STIM1: variants seen among roughly 807,000 people sequenced by gnomAD.
The protein encoded by STIM1 is stromal interaction molecule 1.
In STIM1, 25 loss-of-function variants were observed where a neutral mutation model predicts 74.7. That is an observed-to-expected ratio of 0.33 (90% CI 0.24 to 0.47). The LOEUF is 0.47. STIM1 is among the 20% of genes least tolerant of loss of function. The pLI is 1.00. For synonymous variants in STIM1, 328 were observed against 348.8 expected (o/e 0.94, Z 0.66); for missense variants, 728 against 920.8 (o/e 0.79, Z 2.71).
At chr11:4,057,794 C>T (rs553390018) in intron 4 of STIM1, among the ~76,000 whole-genome samples, 9 of 150,780 alleles carry the variant, frequency 6.0e-5, no homozygotes, top group South Asian at 4.2e-4. Flanking sequence ...GGCGTGAACC[C>T]GGGAGGTGGA....
intron 3 of STIM1, among the ~76,000 whole-genome samples, chr11:4,044,117 T>G (rs2094171806): frequency 6.6e-6 from 1 of 152,108 alleles, no homozygotes; most frequent in Non-Finnish European, 1.5e-5. Flanking sequence ...TCTGATTCGG[T>G]GTAGCATTGT....
At chr11:3,905,086 C>T (rs1488931307) in intron 1 of STIM1, among the ~76,000 whole-genome samples, 2 of 152,026 alleles carry the variant, frequency 1.3e-5, no homozygotes, top group Non-Finnish European at 2.9e-5. Context: ...AAAGTACTGT[C>T]TGGGAAGCCA....
intron 3 of STIM1, among the ~76,000 whole-genome samples, chr11:4,035,744 T>C (rs367850315): frequency 2.0e-5 from 3 of 152,212 alleles, no homozygotes; most frequent in Non-Finnish European, 4.4e-5. Context: ...TTTTCTTTCA[T>C]GTCCTAGGAC....
intron 1 of STIM1, among the ~76,000 whole-genome samples, chr11:3,865,592 T>C (rs1287463201): frequency 6.6e-6 from 1 of 152,192 alleles, no homozygotes. Flanking sequence ...TGGTGCCTAA[T>C]ATATGCACCC....
chr11:3,904,926 G>C (rs1451978099), intron 1 of STIM1, among the ~76,000 whole-genome samples: 1 of 152,084 alleles, frequency 6.6e-6, no homozygotes, highest in East Asian at 1.9e-4. Flanking sequence ...AGAAATAGTA[G>C]AGACTGTAGA....
chr11:3,947,930 G>GT (rs772533122), intron 1 of STIM1, among the ~76,000 whole-genome samples: 1 of 152,078 alleles, frequency 6.6e-6, no homozygotes, highest in Non-Finnish European at 1.5e-5. Flanking sequence ...GATCAACATA[G>GT]TTCCTGACAT....
intron 2 of STIM1, among the ~76,000 whole-genome samples, chr11:3,978,820 T>A (rs921182801): frequency 5.3e-5 from 8 of 152,050 alleles, no homozygotes; most frequent in African/African-American, 1.9e-4. Flanking sequence ...TTTTTCATTG[T>A]CCCATCCAGA....
Position 3,962,880 on chromosome 11 carries a change from TAAG to T in STIM1, c.140-4666_140-4664del, listed in dbSNP as rs1289667603. On this transcript the variant is annotated intron_variant, in intron 1 of 12. Coordinates refer to ENST00000526596, the MANE Select transcript of STIM1 (RefSeq NM_001382567.1). ...TTTAGTGTTCATCTGTTTTGATTAT[TAAG>T]AAGAAATAAAATGAATTAATAACTA... Among the ~76,000 whole-genome samples the T allele has an allele frequency of 5.3e-5, 8 of 152,304 alleles. No individual in the cohort carries two copies. In the South Asian group the frequency reaches 1.4e-3, roughly 28 times the overall value.
chr11:4,083,642 A>C, intron 10 of STIM1, 144 bp downstream of exon 10: 1 of 772,126 alleles, frequency 1.3e-6, no homozygotes, highest in East Asian at 2.7e-5. Flanking sequence ...ATAAAGCACA[A>C]TTTACTCAGG....
At chr11:4,052,318 T>C (rs575915875) in intron 3 of STIM1, among the ~76,000 whole-genome samples, 248 of 152,214 alleles carry the variant, frequency 1.6e-3, no homozygotes, top group African/African-American at 5.4e-3. Flanking sequence ...GGAGGCATCA[T>C]GCTACCTGAC....
At chr11:4,030,027 C>A (rs1031724252) in intron 3 of STIM1, among the ~76,000 whole-genome samples, 3 of 152,032 alleles carry the variant, frequency 2.0e-5, no homozygotes, top group Non-Finnish European at 2.9e-5. Flanking sequence ...AGCTAGGAAG[C>A]CTTTAGAAAG....
At chr11:3,875,343 T>G (rs1436307640) in intron 1 of STIM1, among the ~76,000 whole-genome samples, 1 of 152,212 alleles carries the variant, frequency 6.6e-6, no homozygotes, top group Admixed American at 6.5e-5. Flanking sequence ...TGAAAACAAT[T>G]GAAAAACTAT....
At chr11:3,876,908 G>A (rs1416901686) in intron 1 of STIM1, among the ~76,000 whole-genome samples, 1 of 152,142 alleles carries the variant, frequency 6.6e-6, no homozygotes, top group Non-Finnish European at 1.5e-5. Flanking sequence ...AAAAATATTT[G>A]TTGAAAGAAA....
At chr11:4,090,652 T>C (rs151027188) in intron 12 of STIM1, among the ~76,000 whole-genome samples, 158 of 152,294 alleles carry the variant, frequency 1.0e-3, no homozygotes, top group East Asian at 1.5e-3. Flanking sequence ...TCCTAAGGTG[T>C]GACAGGAGTA....
intron 1 of STIM1, among the ~76,000 whole-genome samples, chr11:3,928,189 C>T (rs1467492352): frequency 4.0e-5 from 6 of 151,246 alleles, no homozygotes; most frequent in African/African-American, 9.7e-5. Context: ...TTTTTTCTTT[C>T]GATATGTTAA....
chr11:3,855,000 A>T (rs1017471785), upstream of STIM1: 1 of 152,246 alleles, frequency 6.6e-6, no homozygotes, highest in Admixed American at 6.5e-5. Flanking sequence ...GCAAAAGAGC[A>T]GGCCCTCCCA....
At chr11:3,917,970 C>T (rs2092670224) in intron 1 of STIM1, among the ~76,000 whole-genome samples, 1 of 152,138 alleles carries the variant, frequency 6.6e-6, no homozygotes, top group Non-Finnish European at 1.5e-5. Context: ...CTTTCTTTTG[C>T]AGGTGACGGA....
At chr11:3,912,733 C>T (rs2092585232) in intron 1 of STIM1, among the ~76,000 whole-genome samples, 1 of 152,116 alleles carries the variant, frequency 6.6e-6, no homozygotes, top group African/African-American at 2.4e-5. Context: ...TCTTAGATGC[C>T]TTTGCCAATG....
At chr11:4,052,546 T>C (rs1006279872) in intron 3 of STIM1, among the ~76,000 whole-genome samples, 4 of 152,216 alleles carry the variant, frequency 2.6e-5, no homozygotes, top group Admixed American at 2.0e-4. Flanking sequence ...TGTAGAAAGC[T>C]GAAACTGGAT....
Sources: allele counts gnomAD v4.1 joint callset (sites outside exome capture counted in the v4.1 genomes callset), GRCh38; gene constraint gnomAD v4.1.1; transcripts MANE v1.5; gene names NCBI Gene and HGNC (gene_info 2026-07-23, HGNC 2026-07-21).